CLEC19A: variants seen among roughly 807,000 people sequenced by gnomAD.
CLEC19A encodes the protein C-type lectin domain containing 19A.
In CLEC19A, 21 loss-of-function variants were observed where a neutral mutation model predicts 26.1. The ratio of observed to expected loss-of-function variants is 0.80; its 90% CI spans 0.57 to 1.16. The LOEUF is 1.16. Among genes scored for constraint, CLEC19A ranks in the 50% most tolerant of loss-of-function variants. The probability of loss-of-function intolerance (pLI) is 0.00; values close to 1 mark genes in which losing one functional copy is unlikely to be tolerated. For missense variants in CLEC19A, 224 were observed against 227.6 expected (o/e 0.98, Z 0.10); for synonymous variants, 89 against 88.6 (o/e 1.00, Z -0.03).
intron 2 of CLEC19A, among the ~76,000 whole-genome samples, chr16:19,300,330 C>T (rs958391975): frequency 4.6e-5 from 7 of 151,988 alleles, no homozygotes; most frequent in African/African-American, 1.7e-4. Flanking sequence ...GGGAGGATTG[C>T]TTGAGTCCAG....
chr16:19,300,318 A>ATG (rs1005318382), intron 2 of CLEC19A, among the ~76,000 whole-genome samples: 2 of 151,992 alleles, frequency 1.3e-5, no homozygotes, highest in African/African-American at 4.8e-5. Flanking sequence ...GGAGGCTAAG[A>ATG]TGGGAGGATT....
chr16:19,300,911 GA>G (rs1293185328), intron 2 of CLEC19A, among the ~76,000 whole-genome samples: 2 of 152,140 alleles, frequency 1.3e-5, no homozygotes, highest in East Asian at 3.9e-4. Flanking sequence ...GAGGGGGAAA[GA>G]AATACTCTGG....
intron 1 of CLEC19A, among the ~76,000 whole-genome samples, chr16:19,290,721 G>A (rs949975331): frequency 4.6e-5 from 7 of 152,220 alleles, no homozygotes; most frequent in African/African-American, 1.7e-4. Flanking sequence ...AGAGAAAGGG[G>A]CAAACAGCCA....
intron 2 of CLEC19A, among the ~76,000 whole-genome samples, chr16:19,301,755 T>TG (rs1897837435): frequency 1.2e-4 from 16 of 133,820 alleles, no homozygotes; most frequent in African/African-American, 3.1e-4. Context: ...TTTTTTTTTT[T>TG]TTTTTTTTTG....
intron 3 of CLEC19A, 79 bp from the exon 4 acceptor site, chr16:19,307,466 T>G: frequency 6.6e-7 from 1 of 1,511,026 alleles, no homozygotes; most frequent in Non-Finnish European, 8.9e-7. Context: ...CTAAGACGTC[T>G]GAGCTGGAGC....
At chr16:19,298,622 A>G (rs1009726728) in intron 1 of CLEC19A, 51 bp from the exon 2 acceptor site, 3 of 1,522,598 alleles carry the variant, frequency 2.0e-6, no homozygotes, top group African/African-American at 2.8e-5. Flanking sequence ...CTATGGAAAC[A>G]ATGTCAGCAC....
rs140761300 is a variant in CLEC19A, at chr16:19,304,126, G to A, written c.319G>A (p.Val107Ile). The part of the protein sequence containing the change: ...NSCVPGIPAD[V>I]WTGLHDHRQE... ...CTGTGTTCCCGGCATCCCAGCTGAC[G>A]TCTGGACAGGCCTTCATGATCACAG... The change falls in exon 3 of 5, where the codon GTC becomes ATC. Residue 107 changes from valine to isoleucine, a missense_variant. Physicochemically the swap from Val to Ile is conservative, Grantham distance 29 (BLOSUM62 3). Transcript: ENST00000636231. 369 of 1,550,622 alleles carry A rather than the reference G, an allele frequency of 2.4e-4. 7 individuals are homozygous for A. In the Admixed American group the frequency reaches 6.9e-3, roughly 29 times the overall value.
chr16:19,306,233 A>G (rs1238429386), intron 3 of CLEC19A, among the ~76,000 whole-genome samples: 1 of 148,984 alleles, frequency 6.7e-6, no homozygotes, highest in Non-Finnish European at 1.5e-5. Context: ...GCAACCTTGA[A>G]CTCCTGGGTT....
chr16:19,310,193 G>C lies in CLEC19A; in HGVS notation c.*1110G>C, dbSNP rs1898041225. ...TATTTAAATATAAGTGGTCGGCCAG[G>C]TGTAGTGGCTCATGCCTGTAATCCC... On this transcript the variant is annotated 3_prime_UTR_variant, in exon 5 of 5. Coordinates refer to ENST00000636231, the MANE Select transcript of CLEC19A (RefSeq NM_001256720.2). The C allele has an allele frequency of 6.6e-6, 1 of 152,116 alleles. No individual in the cohort carries two copies. The highest frequency in any genetic ancestry group is 1.5e-5 in the Non-Finnish European group (1 of 68,038). 9.4% of individuals were successfully genotyped at this position (152,116 alleles called of 1,614,324 possible).
At position 19,307,647 on chromosome 16, in the gene CLEC19A, T is replaced by G. The variant is rs1897985392; in HGVS notation, c.451T>G (p.Cys151Gly). The G allele has an allele frequency of 1.3e-6, 2 of 1,548,304 alleles. No homozygotes were observed. Among genetic ancestry groups the G allele is most frequent in the Non-Finnish European group, 1.7e-6 (2 of 1,146,794 alleles). The change falls in exon 4 of 5, where the codon TGC becomes GGC. Residue 151 changes from cysteine (C) to glycine (G), a missense_variant. Physicochemically the swap from Cys to Gly is radical, Grantham distance 159 (BLOSUM62 -3). Transcript: ENST00000636231. ...GVHADPEEED[C>G]VQIWYRPTSA... ...CCACGCGGACCCAGAAGAAGAGGACTGCGTGCAGATATGGTACAGGCCTAC... is the reference window on the plus strand; with the variant it reads ...CCACGCGGACCCAGAAGAAGAGGACGGCGTGCAGATATGGTACAGGCCTAC...
intron 2 of CLEC19A, among the ~76,000 whole-genome samples, chr16:19,300,552 A>C (rs1177832539): frequency 6.6e-6 from 1 of 151,940 alleles, no homozygotes; most frequent in Non-Finnish European, 1.5e-5. Flanking sequence ...TATCTCAAAA[A>C]AAAAAAAAAA....
chr16:19,299,119 T>C (rs1447381848), intron 2 of CLEC19A, among the ~76,000 whole-genome samples: 3 of 152,202 alleles, frequency 2.0e-5, no homozygotes, highest in African/African-American at 7.2e-5. Context: ...AAACCATCCT[T>C]GGCTATAGAA....
At chr16:19,305,445 T>C (rs1897931596) in intron 3 of CLEC19A, among the ~76,000 whole-genome samples, 1 of 152,184 alleles carries the variant, frequency 6.6e-6, no homozygotes. Flanking sequence ...CTCTGCAATG[T>C]CACAGCAAAC....
chr16:19,291,742 A>G (rs1359056293), intron 1 of CLEC19A, among the ~76,000 whole-genome samples: 1 of 152,214 alleles, frequency 6.6e-6, no homozygotes, highest in Non-Finnish European at 1.5e-5. Flanking sequence ...GGAGGGGGAA[A>G]TGCCGTGCAG....
intron 3 of CLEC19A, chr16:19,304,472 G>C (rs1897908117): frequency 8.9e-6 from 2 of 225,116 alleles, no homozygotes; most frequent in South Asian, 1.3e-4. Flanking sequence ...GGAGGCTGAG[G>C]CTGGTGGATC....
At chr16:19,305,054 T>C (rs1475204809) in intron 3 of CLEC19A, 1 of 152,406 alleles carries the variant, frequency 6.6e-6, no homozygotes, top group Admixed American at 6.5e-5. Flanking sequence ...TCACTGTGAA[T>C]GCAGTGGCAG....
At chr16:19,289,377 C>G (rs9926022) in intron 1 of CLEC19A, among the ~76,000 whole-genome samples, 20,415 of 152,226 alleles carry the variant, frequency 0.13, 1,361 homozygotes, top group South Asian at 0.19. Context: ...CAGGAAACAT[C>G]GACTTATTTG....
At chr16:19,299,268 A>T (rs1897768756) in intron 2 of CLEC19A, among the ~76,000 whole-genome samples, 1 of 152,240 alleles carries the variant, frequency 6.6e-6, no homozygotes, top group African/African-American at 2.4e-5. Flanking sequence ...TGTAAAGAAT[A>T]TGAGAAATCA....
chr16:19,304,013 A>G (rs928785000), intron 2 of CLEC19A, 49 bp from the exon 3 acceptor site: 4 of 1,452,994 alleles, frequency 2.8e-6, no homozygotes, highest in Non-Finnish European at 2.8e-6. Context: ...ACTCCATCCT[A>G]TGAAAAGAGG....
Sources: gnomAD v4.1 joint callset for allele counts (sites outside exome capture counted in the v4.1 genomes callset) on GRCh38, gnomAD v4.1.1 for gene constraint, MANE v1.5 for transcripts, NCBI Gene and HGNC (gene_info 2026-07-23, HGNC 2026-07-21) for gene names.